The following CACNA2D1 variants were observed in gnomAD, a reference collection of about 807,000 sequenced individuals.
The protein encoded by CACNA2D1 is calcium voltage-gated channel auxiliary subunit alpha2delta 1, also known as voltage-dependent calcium channel subunit alpha-2/delta-1.
In CACNA2D1, 53 loss-of-function variants were observed where a neutral mutation model predicts 171.5. The observed-to-expected ratio is 0.31, with a 90% CI of 0.25 to 0.39. CACNA2D1 has a LOEUF of 0.39. Among genes scored for constraint, CACNA2D1 ranks in the 10% least tolerant of loss-of-function variants. The pLI, the probability that CACNA2D1 is intolerant of heterozygous loss-of-function variation, is 1.00. For missense variants in CACNA2D1, 903 were observed against 1,299.8 expected (o/e 0.69, Z 4.69); for synonymous variants, 442 against 443.1 (o/e 1.00, Z 0.03).
At chr7:82,162,870 G>A (rs1057487472) in intron 4 of CACNA2D1, among the ~76,000 whole-genome samples, 11 of 151,904 alleles carry the variant, frequency 7.2e-5, no homozygotes, top group Admixed American at 3.9e-4. Flanking sequence ...ACTAGTGACT[G>A]CACCCCATGC....
At position 82,017,305 on chromosome 7, in the gene CACNA2D1, A is replaced by T. The variant is rs190821733; in HGVS notation, c.1144-2826T>A. Among the ~76,000 whole-genome samples, 405 of 152,262 alleles carry T rather than the reference A, an allele frequency of 2.7e-3. 7 individuals carry two copies. The highest frequency in any genetic ancestry group is 8.2e-3 in the African/African-American group (339 of 41,570). ...GACAGTAAAAAATCAATATAAAAAA[A>T]TTTCATTCCCTAGCGCCATACCATT... On this transcript the variant is annotated intron_variant, in intron 12 of 38. Coordinates refer to ENST00000356860, the MANE Select transcript of CACNA2D1 (RefSeq NM_000722.4).
intron 18 of CACNA2D1, among the ~76,000 whole-genome samples, chr7:82,000,986 T>C (rs1798554712): frequency 6.6e-6 from 1 of 151,924 alleles, no homozygotes; most frequent in East Asian, 1.9e-4. Context: ...TCTTAAATAA[T>C]GTTGAACATG....
chr7:82,389,850 T>C (rs1327884074), intron 1 of CACNA2D1, among the ~76,000 whole-genome samples: 2 of 152,138 alleles, frequency 1.3e-5, no homozygotes, highest in Non-Finnish European at 2.9e-5. Context: ...GATGTAATTG[T>C]TTTGAAGTTA....
chr7:82,110,693 T>C (rs546075980), intron 6 of CACNA2D1, among the ~76,000 whole-genome samples: 5 of 152,240 alleles, frequency 3.3e-5, no homozygotes, highest in African/African-American at 1.2e-4. Flanking sequence ...ATCTTTGAGT[T>C]TTCTGTTTCC....
rs578017750 is a variant in CACNA2D1, at chr7:82,292,675, C to T, written c.294+42460G>A. 4.6e-5 allele frequency among the ~76,000 whole-genome samples: 7 copies of T among 152,150 alleles called. No homozygotes were observed. In the South Asian group the frequency reaches 1.5e-3, roughly 32 times the overall value. ...CCAATGTACTGTCATTTATCTTTCTCTCTGGAGCTGTAATATAATTTCTTC... is the reference window on the plus strand; with the variant it reads ...CCAATGTACTGTCATTTATCTTTCTTTCTGGAGCTGTAATATAATTTCTTC... On this transcript the variant is annotated intron_variant, in intron 3 of 38. Transcript: ENST00000356860.
intron 3 of CACNA2D1, among the ~76,000 whole-genome samples, chr7:82,220,282 A>C (rs78763488): frequency 0.037 from 5,687 of 152,300 alleles, 151 homozygotes; most frequent in Middle Eastern, 0.078. Context: ...TATTTTTTTT[A>C]AATCCACAAG....
intron 1 of CACNA2D1, among the ~76,000 whole-genome samples, chr7:82,421,156 T>G (rs538435870): frequency 2.6e-5 from 4 of 152,268 alleles, no homozygotes; most frequent in African/African-American, 9.6e-5. Context: ...TATAACAGAA[T>G]CTAATGTTCT....
At position 82,269,612 on chromosome 7, in the gene CACNA2D1, T is replaced by TC. The variant is rs61324435; in HGVS notation, c.294+65522dup. On this transcript the variant is annotated intron_variant, in intron 3 of 38. Coordinates refer to ENST00000356860, the MANE Select transcript of CACNA2D1 (RefSeq NM_000722.4). Reference sequence around the variant, plus strand: ...GAATTACTTGTTTATTTGACAATTTTCCCCACTGCACTGTGAGGTCCTTAA... The same window carrying TC: ...GAATTACTTGTTTATTTGACAATTTTCCCCCACTGCACTGTGAGGTCCTTAA... Among the ~76,000 whole-genome samples, 891 of 152,282 alleles carry TC rather than the reference T, an allele frequency of 5.9e-3. 8 individuals are homozygous for TC. Among genetic ancestry groups the TC allele is most frequent in the African/African-American group, 0.021 (858 of 41,552 alleles).
At chr7:82,187,586 C>G (rs1797896960) in intron 3 of CACNA2D1, among the ~76,000 whole-genome samples, 1 of 152,022 alleles carries the variant, frequency 6.6e-6, no homozygotes, top group African/African-American at 2.4e-5. Flanking sequence ...GTCAAGATTT[C>G]TGAGGAAACA....
chr7:82,061,035 A>T (rs1290825772), intron 9 of CACNA2D1, among the ~76,000 whole-genome samples: 1 of 152,094 alleles, frequency 6.6e-6, no homozygotes, highest in Non-Finnish European at 1.5e-5. Flanking sequence ...TCCTCTACAT[A>T]TTCTACAATA....
chr7:82,163,324 A>G (rs1163780677), intron 4 of CACNA2D1, among the ~76,000 whole-genome samples: 1 of 152,188 alleles, frequency 6.6e-6, no homozygotes, highest in Non-Finnish European at 1.5e-5. Flanking sequence ...TGGAGACATG[A>G]AAGTATATAG....
chr7:82,280,270 T>C (rs914796721), intron 3 of CACNA2D1, among the ~76,000 whole-genome samples: 1 of 152,206 alleles, frequency 6.6e-6, no homozygotes, highest in Non-Finnish European at 1.5e-5. Flanking sequence ...CTCATGTACA[T>C]GTACATATAT....
chr7:82,035,779 CA>C (rs916879122), intron 11 of CACNA2D1, among the ~76,000 whole-genome samples: 5 of 152,060 alleles, frequency 3.3e-5, no homozygotes, highest in African/African-American at 1.2e-4. Context: ...TTGACTTAAG[CA>C]AAAAATAATT....
chr7:82,015,092 A>C (rs1800288320), intron 12 of CACNA2D1, among the ~76,000 whole-genome samples: 1 of 152,112 alleles, frequency 6.6e-6, no homozygotes, highest in South Asian at 2.1e-4. Flanking sequence ...AAAAGAAAAT[A>C]CATCTTTGAG....
intron 3 of CACNA2D1, among the ~76,000 whole-genome samples, chr7:82,280,828 C>T (rs376930777): frequency 3.9e-5 from 6 of 152,222 alleles, no homozygotes; most frequent in African/African-American, 1.4e-4. Context: ...ACTACAGACA[C>T]GTGCACCAGT....
At chr7:82,072,957 T>G (rs975969024) in intron 7 of CACNA2D1, among the ~76,000 whole-genome samples, 1 of 152,114 alleles carries the variant, frequency 6.6e-6, no homozygotes, top group African/African-American at 2.4e-5. Flanking sequence ...ATTATAGATA[T>G]TTAAAAATAG....
At chr7:82,110,100 C>G (rs1181335752) in intron 6 of CACNA2D1, among the ~76,000 whole-genome samples, 1 of 152,124 alleles carries the variant, frequency 6.6e-6, no homozygotes, top group Non-Finnish European at 1.5e-5. Flanking sequence ...CTATTCTTAT[C>G]AACATAGTAT....
At chr7:81,951,979 T>TG (rs1554321744) in intron 38 of CACNA2D1, among the ~76,000 whole-genome samples, 35 of 149,014 alleles carry the variant, frequency 2.3e-4, no homozygotes, top group African/African-American at 7.9e-4. Flanking sequence ...GTTTTTTTTT[T>TG]TTTTTTTTTT....
At chr7:81,953,063 A>G (rs1792795302) in intron 38 of CACNA2D1, among the ~76,000 whole-genome samples, 1 of 151,820 alleles carries the variant, frequency 6.6e-6, no homozygotes, top group Non-Finnish European at 1.5e-5. Context: ...CTAATTTTTT[A>G]TATTTTTTGC....
Sources: gnomAD v4.1 joint callset for allele counts (sites outside exome capture counted in the v4.1 genomes callset) on GRCh38, gnomAD v4.1.1 for gene constraint, MANE v1.5 for transcripts, NCBI Gene and HGNC (gene_info 2026-07-23, HGNC 2026-07-21) for gene names.